Variants in NLGN1 observed in about 807,000 individuals in gnomAD.
NLGN1 encodes neuroligin 1, also known as neuroligin-1.
A neutral mutation model predicts 65.5 loss-of-function variants in NLGN1; 12 were observed. The ratio of observed to expected loss-of-function variants is 0.18; its 90% CI spans 0.12 to 0.30. The LOEUF (loss-of-function observed/expected upper bound fraction) is 0.30, where lower values mean the gene tolerates loss of function less well. Ranked by LOEUF, NLGN1 falls within the 10% of genes least tolerant of loss-of-function variation. The pLI is 1.00. For missense variants in NLGN1, 750 were observed against 1,007.1 expected, an observed-to-expected ratio of 0.74 and a Z score of 3.46; for synonymous variants, 350 against 359.5, an observed-to-expected ratio of 0.97 and a Z score of 0.30.
At chr3:174,065,710 C>T (rs571933740) in intron 4 of NLGN1, among the ~76,000 whole-genome samples, 9 of 150,282 alleles carry the variant, frequency 6.0e-5, no homozygotes, top group Non-Finnish European at 1.3e-4. Flanking sequence ...TCTAAGATTA[C>T]ATTATTAAAA....
At chr3:174,014,616 A>G (rs751966981) in intron 4 of NLGN1, among the ~76,000 whole-genome samples, 56 of 152,182 alleles carry the variant, frequency 3.7e-4, no homozygotes, top group Non-Finnish European at 6.8e-4. Context: ...AGTTTCCAGG[A>G]AAAAGAGACA....
intron 4 of NLGN1, among the ~76,000 whole-genome samples, chr3:174,032,648 C>T (rs1289471083): frequency 1.3e-5 from 2 of 152,106 alleles, no homozygotes; most frequent in Admixed American, 6.6e-5. Context: ...CTCTCATGGG[C>T]TTTACCTCCA....
chr3:174,155,494 A>G (rs1400383887), intron 4 of NLGN1, among the ~76,000 whole-genome samples: 1 of 151,928 alleles, frequency 6.6e-6, no homozygotes, highest in Non-Finnish European at 1.5e-5. Context: ...GTATAGTGAA[A>G]ATATACTTGC....
At chr3:173,846,855 A>G (rs1327415091) in intron 4 of NLGN1, among the ~76,000 whole-genome samples, 1 of 152,218 alleles carries the variant, frequency 6.6e-6, no homozygotes, top group African/African-American at 2.4e-5. Context: ...ATGTGTTACT[A>G]AATTAAATGG....
In NLGN1 at chr3:173,845,337, T is replaced by C. The variant is rs1470198936; in HGVS notation, c.646+37505T>C. 2.6e-5 allele frequency among the ~76,000 whole-genome samples: 4 copies of C among 152,282 alleles called. No homozygotes were observed. In the South Asian group the frequency reaches 8.3e-4, roughly 32 times the overall value. ...TTGGACCATCAATATATGGCTTGTA[T>C]GTACTGGGAGACAGTAAGCCAAATG... On this transcript the variant is annotated intron_variant, in intron 4 of 6. Coordinates refer to ENST00000457714, the Ensembl canonical transcript of NLGN1.
chr3:174,277,826 GTTT>G (rs756151167), intron 5 of NLGN1, among the ~76,000 whole-genome samples: 6 of 151,692 alleles, frequency 4.0e-5, no homozygotes, highest in Admixed American at 1.3e-4. Context: ...TGTGAAAAGA[GTTT>G]TTATCTCATT....
chr3:174,208,659 A>C, intron 4 of NLGN1, among the ~76,000 whole-genome samples: 1 of 78,692 alleles, frequency 1.3e-5, no homozygotes, highest in Admixed American at 1.4e-4. Flanking sequence ...TAGCGCCATT[A>C]TAGGGAAAAA....
chr3:173,692,429 A>C (rs1765608156), intron 3 of NLGN1, among the ~76,000 whole-genome samples: 1 of 152,126 alleles, frequency 6.6e-6, no homozygotes, highest in African/African-American at 2.4e-5. Context: ...TATAGCCCTA[A>C]ATGTTATGTG....
chr3:173,422,387 T>A (rs1321810987), intron 1 of NLGN1, among the ~76,000 whole-genome samples: 1 of 152,152 alleles, frequency 6.6e-6, no homozygotes, highest in Non-Finnish European at 1.5e-5. Context: ...TACTATATGA[T>A]CTAGCAATCC....
intron 2 of NLGN1, among the ~76,000 whole-genome samples, chr3:173,578,948 G>A (rs530684097): frequency 1.2e-4 from 19 of 152,206 alleles, no homozygotes; most frequent in African/African-American, 3.9e-4. Flanking sequence ...TTAAATAAAT[G>A]TATAAATTAT....
intron 3 of NLGN1, among the ~76,000 whole-genome samples, chr3:173,629,303 T>G (rs1402006089): frequency 1.3e-5 from 2 of 151,206 alleles, no homozygotes. Flanking sequence ...TTTAGTAGAG[T>G]GGGGGCCTTG....
chr3:174,077,310 A>C (rs999926535), intron 4 of NLGN1, among the ~76,000 whole-genome samples: 29 of 152,162 alleles, frequency 1.9e-4, no homozygotes, highest in Admixed American at 1.5e-3. Context: ...ATCAACCTAG[A>C]TACCCTGACT....
intron 3 of NLGN1, among the ~76,000 whole-genome samples, chr3:173,738,187 C>G (rs987831106): frequency 2.0e-5 from 3 of 151,742 alleles, no homozygotes; most frequent in African/African-American, 7.3e-5. Context: ...TATTTTCTTT[C>G]ATTTTATGTG....
intron 3 of NLGN1, among the ~76,000 whole-genome samples, chr3:173,656,947 C>G (rs767591009): frequency 6.6e-6 from 1 of 151,830 alleles, no homozygotes; most frequent in Non-Finnish European, 1.5e-5. Context: ...ATCTCAAAGA[C>G]GAGGAAATCA....
intron 4 of NLGN1, among the ~76,000 whole-genome samples, chr3:173,907,145 C>A (rs896507621): frequency 1.3e-5 from 2 of 152,106 alleles, no homozygotes; most frequent in African/African-American, 4.8e-5. Flanking sequence ...GCTTAGAAGG[C>A]AGGAAAGAGT....
chr3:173,440,758 G>A (rs1281972543), intron 2 of NLGN1, among the ~76,000 whole-genome samples: 1 of 152,058 alleles, frequency 6.6e-6, no homozygotes. Context: ...AGCATAATTC[G>A]TAAGGATCTT....
In NLGN1 at chr3:173,786,022, G is replaced by T. The variant is rs1781897096; in HGVS notation, c.494-21658G>T. Among the ~76,000 whole-genome samples, 4 of 152,238 alleles carry T rather than the reference G, an allele frequency of 2.6e-5. No homozygotes were observed. The South Asian group carries it at 8.3e-4, about 32-fold the overall frequency. ...GACTTCAAGTTTTCCTTAAAATGTG[G>T]TACATAGACCTCATTCAACATTAAA... On this transcript the variant is annotated intron_variant, in intron 3 of 6. Transcript: ENST00000457714.
Position 173,816,332 on chromosome 3 carries a change from A to G in NLGN1, c.646+8500A>G, listed in dbSNP as rs1384068522. Among the ~76,000 whole-genome samples the G allele has an allele frequency of 3.3e-5, 5 of 152,326 alleles. No individual in the cohort carries two copies. The South Asian group carries it at 8.3e-4, about 25-fold the overall frequency. ...GTAGCATTGTTAGTTTCCAGATTTC[A>G]TAAATGCAGAAACAAGTGAGTAGAG... On this transcript the variant is annotated intron_variant, in intron 4 of 6. Transcript: ENST00000457714.
At chr3:173,710,228 G>T (rs983429216) in intron 3 of NLGN1, among the ~76,000 whole-genome samples, 2 of 152,056 alleles carry the variant, frequency 1.3e-5, no homozygotes, top group African/African-American at 4.8e-5. Context: ...AATGGAAAAG[G>T]ACCAGTAAGG....
Sources: allele counts gnomAD v4.1 joint callset (sites outside exome capture counted in the v4.1 genomes callset), GRCh38; gene constraint gnomAD v4.1.1; transcripts MANE v1.5; gene names NCBI Gene and HGNC (gene_info 2026-07-23, HGNC 2026-07-21).